PDE5A: variants seen among roughly 807,000 people sequenced by gnomAD.
PDE5A encodes the protein phosphodiesterase 5A.
In PDE5A, 67 loss-of-function variants were observed where a neutral mutation model predicts 110.2. The ratio of observed to expected loss-of-function variants is 0.61; its 90% CI spans 0.50 to 0.75. The LOEUF is 0.75. Among genes scored for constraint, PDE5A ranks in the 30% least tolerant of loss-of-function variants. The pLI, the probability that PDE5A is intolerant of heterozygous loss-of-function variation, is 0.00. For missense variants in PDE5A, 862 were observed against 1,045.1 expected (o/e 0.82, Z 2.42); for synonymous variants, 328 against 351.2 (o/e 0.93, Z 0.74).
At chr4:119,609,880 C>T (rs1729682976) in intron 1 of PDE5A, among the ~76,000 whole-genome samples, 1 of 152,044 alleles carries the variant, frequency 6.6e-6, no homozygotes, top group Admixed American at 6.6e-5. Flanking sequence ...ATGCTGTACA[C>T]CTTAAATACA....
chr4:119,547,073 T>A (rs1727154044), intron 9 of PDE5A, among the ~76,000 whole-genome samples: 1 of 150,744 alleles, frequency 6.6e-6, no homozygotes, highest in African/African-American at 2.4e-5. Flanking sequence ...GCCTCCCTTC[T>A]AATTGCTTTG....
At chr4:119,521,199 CAGAG>C in intron 12 of PDE5A, 139 bp from the exon 13 acceptor site, 3 of 890,646 alleles carry the variant, frequency 3.4e-6, no homozygotes, top group Non-Finnish European at 5.0e-6. Flanking sequence ...AACTGACACT[CAGAG>C]AGGTAACTTG....
chr4:119,536,644 T>C (rs751844369), intron 11 of PDE5A, among the ~76,000 whole-genome samples: 1 of 152,180 alleles, frequency 6.6e-6, no homozygotes, highest in Non-Finnish European at 1.5e-5. Context: ...GTTCATAGAA[T>C]TGTTCTTGGC....
intron 18 of PDE5A, among the ~76,000 whole-genome samples, chr4:119,503,336 A>T (rs1725434955): frequency 6.6e-6 from 1 of 152,154 alleles, no homozygotes; most frequent in African/African-American, 2.4e-5. Context: ...ACTTTTTCTG[A>T]GCCTGTATTG....
intron 10 of PDE5A, chr4:119,541,635 A>C (rs943905850): frequency 2.0e-5 from 3 of 152,118 alleles, no homozygotes; most frequent in African/African-American, 7.2e-5. Context: ...AGATTGAGGG[A>C]AATGTTATTA....
rs766646012 is a variant in PDE5A at position 119,563,103 on chromosome 4, G to A, written c.994-133C>T. On this transcript the variant is annotated intron_variant, in intron 5 of 20. Coordinates refer to ENST00000354960, the MANE Select transcript of PDE5A (RefSeq NM_001083.4). Reference sequence around the variant, plus strand: ...CAAGTCTGCATTCAAATATAAATACGTCTCCACTTATTAACAAAATCCTTT... The same window carrying A: ...CAAGTCTGCATTCAAATATAAATACATCTCCACTTATTAACAAAATCCTTT... The A allele has an allele frequency of 3.5e-4, 215 of 606,098 alleles. 1 individual carries two copies. Among genetic ancestry groups the A allele is most frequent in the Middle Eastern group, 4.6e-4 (1 of 2,166 alleles). 37.5% of individuals were successfully genotyped at this position (606,098 alleles called of 1,614,324 possible).
intron 5 of PDE5A, among the ~76,000 whole-genome samples, chr4:119,563,868 A>G (rs1013652047): frequency 6.6e-6 from 1 of 152,176 alleles, no homozygotes; most frequent in Non-Finnish European, 1.5e-5. Context: ...GTTAAAGTCA[A>G]TGGAAGGTCC....
intron 11 of PDE5A, among the ~76,000 whole-genome samples, chr4:119,537,345 C>T (rs1231461854): frequency 1.3e-5 from 2 of 152,054 alleles, no homozygotes; most frequent in African/African-American, 4.8e-5. Context: ...AGTTTCACTT[C>T]CCTGAAACTG....
rs1035478913 is a variant in PDE5A at position 119,501,040 on chromosome 4, C to G, written c.2490+130G>C. 2.6e-5 allele frequency: 16 copies of G among 604,482 alleles called. No homozygotes were observed. In the African/African-American group the frequency reaches 3.0e-4, roughly 11 times the overall value. The allele number at this position is 604,482 out of a possible 1,614,324, so 37.4% of individuals were successfully genotyped here. A position where few individuals can be genotyped will look rare whatever the true frequency, so the allele number is the denominator to read the frequency against. ...CAAACATGTTCATCAGTAAAAGAAA[C>G]CATACTGCTAATAATTTTATTTCTT... On this transcript the variant is annotated intron_variant, in intron 20 of 20. Transcript: ENST00000354960.
intron 20 of PDE5A, chr4:119,500,000 A>G (rs986439747): frequency 3.3e-5 from 5 of 152,122 alleles, no homozygotes; most frequent in Non-Finnish European, 7.4e-5. Context: ...ATGTAGAAGG[A>G]TAACATCTAT....
intron 13 of PDE5A, among the ~76,000 whole-genome samples, chr4:119,520,063 C>T (rs1206764201): frequency 1.3e-5 from 2 of 152,006 alleles, no homozygotes; most frequent in Non-Finnish European, 2.9e-5. Flanking sequence ...ACTTCTTGTC[C>T]CATTTCGGAT....
At chr4:119,501,130 A>G in intron 20 of PDE5A, 40 bp downstream of exon 20, 1 of 1,226,720 alleles carries the variant, frequency 8.2e-7, no homozygotes, top group South Asian at 1.2e-5. Context: ...AATTCACAAC[A>G]GTCCAAGTTT....
At chr4:119,577,913 G>C (rs1728423052) in intron 3 of PDE5A, among the ~76,000 whole-genome samples, 5 of 152,150 alleles carry the variant, frequency 3.3e-5, no homozygotes. Flanking sequence ...GTTTGCAGAT[G>C]GCATGATTAT....
At chr4:119,548,025 T>G (rs1727193408) in intron 9 of PDE5A, among the ~76,000 whole-genome samples, 1 of 151,464 alleles carries the variant, frequency 6.6e-6, no homozygotes, top group Admixed American at 6.6e-5. Flanking sequence ...TGATGATCAC[T>G]TTGTCCATTT....
intron 1 of PDE5A, among the ~76,000 whole-genome samples, chr4:119,610,396 T>A (rs1000159070): frequency 1.3e-5 from 2 of 152,240 alleles, no homozygotes; most frequent in Non-Finnish European, 2.9e-5. Context: ...AATATGGACA[T>A]GTTACTAAAC....
intron 20 of PDE5A, among the ~76,000 whole-genome samples, chr4:119,499,147 C>T (rs1165845110): frequency 6.6e-6 from 1 of 152,074 alleles, no homozygotes; most frequent in Non-Finnish European, 1.5e-5. Context: ...AGGCTTTTAT[C>T]CAGGATTATA....
intron 2 of PDE5A, among the ~76,000 whole-genome samples, chr4:119,604,191 G>T (rs1329349162): frequency 6.6e-6 from 1 of 152,188 alleles, no homozygotes. Context: ...CCTGGGAGCA[G>T]TGCAAATCAA....
chr4:119,539,522 C>T (rs1726851844), intron 10 of PDE5A, among the ~76,000 whole-genome samples: 1 of 151,974 alleles, frequency 6.6e-6, no homozygotes, highest in Admixed American at 6.6e-5. Context: ...AAACTGGATG[C>T]CTGGGACACA....
intron 3 of PDE5A, among the ~76,000 whole-genome samples, chr4:119,576,121 C>G (rs1248068413): frequency 7.2e-6 from 1 of 139,336 alleles, no homozygotes; most frequent in East Asian, 2.2e-4. Context: ...GGGATCAATT[C>G]AACAAGAAGA....
Sources: allele counts gnomAD v4.1 joint callset (sites outside exome capture counted in the v4.1 genomes callset), GRCh38; gene constraint gnomAD v4.1.1; transcripts MANE v1.5; gene names NCBI Gene and HGNC (gene_info 2026-07-23, HGNC 2026-07-21).